Variants in PRKCZ observed in about 807,000 individuals in gnomAD.
PRKCZ encodes protein kinase C zeta.
PRKCZ carries 33 observed loss-of-function variants against 79.5 expected under a neutral mutation model. That is an observed-to-expected ratio of 0.41 (90% CI 0.31 to 0.55). The LOEUF is 0.55. Ranked by LOEUF, PRKCZ falls within the 20% of genes least tolerant of loss-of-function variation. PRKCZ has a pLI of 0.19. For missense variants in PRKCZ, 578 were observed against 813.5 expected (o/e 0.71, Z 3.52); for synonymous variants, 342 against 320.9 (o/e 1.07, Z -0.70).
chr1:2,099,931 C>T (rs1020507037), intron 4 of PRKCZ, among the ~76,000 whole-genome samples: 9 of 152,218 alleles, frequency 5.9e-5, no homozygotes, highest in African/African-American at 1.9e-4. Flanking sequence ...AGACCAGACT[C>T]CAGGGTCTGC....
In PRKCZ at chr1:2,115,365, G is replaced by T. The variant is rs75946966; in HGVS notation, c.335-19897G>T. ...TGCCCGTGGCGCATCTTTCATGTGG[G>T]CACACCCAGGAGTGGAGTTTCCGGG... On this transcript the variant is annotated intron_variant, in intron 4 of 17. Transcript: ENST00000378567. 5.3e-3 allele frequency among the ~76,000 whole-genome samples: 807 copies of T among 152,342 alleles called. 8 individuals are homozygous for T. The highest frequency in any genetic ancestry group is 8.6e-3 in the Non-Finnish European group (587 of 68,028).
chr1:2,077,046 G>C (rs998056419), intron 4 of PRKCZ, among the ~76,000 whole-genome samples: 3 of 152,208 alleles, frequency 2.0e-5, no homozygotes, highest in Non-Finnish European at 2.9e-5. Context: ...TGTTCCCCCT[G>C]AGAGAGGATC....
intron 4 of PRKCZ, among the ~76,000 whole-genome samples, chr1:2,108,940 G>A (rs1018128025): frequency 2.0e-5 from 3 of 152,148 alleles, no homozygotes; most frequent in Middle Eastern, 3.2e-3. Flanking sequence ...CCCGTTTCCC[G>A]CCTTCTCCGG....
intron 1 of PRKCZ, 75 bp downstream of exon 1, chr1:2,050,776 T>A (rs1659564909): frequency 1.0e-6 from 1 of 964,732 alleles, no homozygotes; most frequent in Non-Finnish European, 1.3e-6. Flanking sequence ...TCGGGGCTCC[T>A]GCGCGAGAGG....
chr1:2,124,374 CGGTTAGGGTCACGGCGGT>C (rs1557628208), intron 4 of PRKCZ, among the ~76,000 whole-genome samples: 1 of 1,756 alleles, frequency 5.7e-4, no homozygotes, highest in African/African-American at 1.4e-3. Flanking sequence ...GTCACGGCGG[CGGTTAGGGTCACGGCGGT>C]GGTTAGGGTC....
At chr1:2,054,623 G>A (rs1156590458) in intron 1 of PRKCZ, among the ~76,000 whole-genome samples, 1 of 151,850 alleles carries the variant, frequency 6.6e-6, no homozygotes, top group South Asian at 2.1e-4. Flanking sequence ...AACGGACCCA[G>A]TGCCCACTCC....
chr1:2,055,062 C>T (rs1660033711), intron 1 of PRKCZ, among the ~76,000 whole-genome samples: 1 of 152,166 alleles, frequency 6.6e-6, no homozygotes, highest in African/African-American at 2.4e-5. Flanking sequence ...CTTGCCTCAG[C>T]CTCCCGAGTA....
Position 2,128,601 on chromosome 1 carries a change from C to T in PRKCZ, c.335-6661C>T, listed in dbSNP as rs1031577397. ...GGAGTTAAGGCTGAAAGAGGAGGAG[C>T]GGCCCCTGTGATCCCCACAATTTTG... On this transcript the variant is annotated intron_variant, in intron 4 of 17. Coordinates refer to ENST00000378567, the MANE Select transcript of PRKCZ (RefSeq NM_002744.6). This position sits in a 1 kb window ranked among gnomAD's most constrained non-coding sequence, Gnocchi z 6.5. Among the ~76,000 whole-genome samples the T allele has an allele frequency of 1.3e-5, 2 of 152,172 alleles. No individual in the cohort carries two copies. Among genetic ancestry groups the T allele is most frequent in the African/African-American group, 2.4e-5 (1 of 41,430 alleles).
At chr1:2,098,752 G>A (rs1380735857) in intron 4 of PRKCZ, among the ~76,000 whole-genome samples, 2 of 152,110 alleles carry the variant, frequency 1.3e-5, no homozygotes, top group African/African-American at 2.4e-5. Flanking sequence ...CGTGATCTCG[G>A]CTCACTGCGA....
At chr1:2,137,750 C>A (rs1009411949) in intron 5 of PRKCZ, among the ~76,000 whole-genome samples, 2 of 152,200 alleles carry the variant, frequency 1.3e-5, no homozygotes, top group South Asian at 2.1e-4. Context: ...AGGTGCAGAC[C>A]ATAAGTGACC....
intron 4 of PRKCZ, among the ~76,000 whole-genome samples, chr1:2,120,535 A>G (rs1481797485): frequency 1.3e-5 from 2 of 151,500 alleles, no homozygotes; most frequent in East Asian, 2.0e-4. Context: ...ACTCCTGATC[A>G]TACATCCACC....
chr1:2,087,063 T>C (rs1664649911), intron 4 of PRKCZ, among the ~76,000 whole-genome samples: 1 of 152,104 alleles, frequency 6.6e-6, no homozygotes, highest in South Asian at 2.1e-4. Flanking sequence ...TTGCATTTGA[T>C]TTTAGTGTAT....
chr1:2,106,239 C>T (rs1422508346), intron 4 of PRKCZ, among the ~76,000 whole-genome samples: 1 of 152,254 alleles, frequency 6.6e-6, no homozygotes, highest in Non-Finnish European at 1.5e-5. Flanking sequence ...CCAAGGCATC[C>T]AAACATCAAA....
chr1:2,120,731 T>C (rs1361434749), intron 4 of PRKCZ, among the ~76,000 whole-genome samples: 1 of 152,180 alleles, frequency 6.6e-6, no homozygotes, highest in Non-Finnish European at 1.5e-5. Context: ...TCAATGTGGA[T>C]TTTTTTCTAC....
chr1:2,074,071 G>C, intron 4 of PRKCZ: 1 of 1,484,180 alleles, frequency 6.7e-7, no homozygotes, highest in East Asian at 2.5e-5. Context: ...CCTGTGCGCT[G>C]CACAGATGCT....
At chr1:2,135,383 C>A (rs1271694669) in intron 5 of PRKCZ, 36 bp downstream of exon 5, 1 of 1,536,420 alleles carries the variant, frequency 6.5e-7, no homozygotes, top group Non-Finnish European at 8.9e-7. Flanking sequence ...CCTCAAGGGG[C>A]CTTTTGTTAC....
intron 4 of PRKCZ, among the ~76,000 whole-genome samples, chr1:2,089,268 C>T (rs1665070818): frequency 6.6e-6 from 1 of 152,142 alleles, no homozygotes; most frequent in Non-Finnish European, 1.5e-5. Context: ...TTTCTGGGGC[C>T]TGCATGGGTA....
At chr1:2,171,372 T>C (rs1416312509) in intron 11 of PRKCZ, among the ~76,000 whole-genome samples, 2 of 130,754 alleles carry the variant, frequency 1.5e-5, no homozygotes, top group African/African-American at 3.5e-5. Flanking sequence ...CATATTTAAT[T>C]TTTTTTTTTT....
At chr1:2,109,474 TGTG>T (rs1298913950) in intron 4 of PRKCZ, among the ~76,000 whole-genome samples, 2 of 152,144 alleles carry the variant, frequency 1.3e-5, no homozygotes, top group Non-Finnish European at 2.9e-5. Context: ...TGAGATCAGG[TGTG>T]GTCGTGAATA....
Sources: allele counts gnomAD v4.1 joint callset (sites outside exome capture counted in the v4.1 genomes callset), GRCh38; gene constraint gnomAD v4.1.1; non-coding constraint Gnocchi (gnomAD v3.1); transcripts MANE v1.5; gene names NCBI Gene and HGNC (gene_info 2026-07-23, HGNC 2026-07-21).